KANSL1: variants seen among roughly 807,000 people sequenced by gnomAD.
The protein encoded by KANSL1 is MLL1/MLL complex subunit KANSL1.
Under a neutral mutation model 103.6 loss-of-function variants are expected in KANSL1, and 22 were observed. The ratio of observed to expected loss-of-function variants is 0.21; its 90% CI spans 0.15 to 0.30. The LOEUF is 0.30. Among genes scored for constraint, KANSL1 ranks in the 10% least tolerant of loss-of-function variants. The pLI, the probability that KANSL1 is intolerant of heterozygous loss-of-function variation, is 1.00. For missense variants in KANSL1, 1,337 were observed against 1,399.8 expected (o/e 0.96, Z 0.72); for synonymous variants, 600 against 527.6 (o/e 1.14, Z -1.88).
At chr17:46,225,000 G>T (rs868377626), upstream of KANSL1, 1 of 151,146 alleles carries the variant, frequency 6.6e-6, no homozygotes, top group Non-Finnish European at 1.5e-5. Flanking sequence ...GCGCCCCGAG[G>T]TCCGCTCCGC....
intron 2 of KANSL1, among the ~76,000 whole-genome samples, chr17:46,101,595 C>CA (rs1165449183): frequency 6.7e-5 from 10 of 149,862 alleles, no homozygotes; most frequent in African/African-American, 9.8e-5. Context: ...ACTAAAAATA[C>CA]AAAAAAAAAT....
chr17:46,077,357 A>G (rs1008890066), intron 4 of KANSL1, among the ~76,000 whole-genome samples: 2 of 150,992 alleles, frequency 1.3e-5, no homozygotes, highest in African/African-American at 4.9e-5. Context: ...CCAGCTTACA[A>G]TATTTTTAGG....
intron 6 of KANSL1, among the ~76,000 whole-genome samples, chr17:46,064,865 T>TA (rs150514510): frequency 0.14 from 21,764 of 151,966 alleles, 2,125 homozygotes; most frequent in Non-Finnish European, 0.22. Context: ...CTCTCCAGGA[T>TA]TTTTTTTAAT....
chr17:46,138,894 A>G (rs1027680761), intron 2 of KANSL1, among the ~76,000 whole-genome samples: 3 of 152,324 alleles, frequency 2.0e-5, no homozygotes, highest in African/African-American at 7.2e-5. Flanking sequence ...GACACACATA[A>G]ATTTCACCTC....
intron 4 of KANSL1, among the ~76,000 whole-genome samples, chr17:46,076,760 G>T (rs1206388874): frequency 6.6e-6 from 1 of 152,006 alleles, no homozygotes. Flanking sequence ...AACGTCTTTT[G>T]TTAGATTTAT....
rs886842149 is a variant in KANSL1, at chr17:46,120,212, A to C, written c.1290-25511T>G. Among the ~76,000 whole-genome samples the C allele has an allele frequency of 6.6e-5, 10 of 152,236 alleles. No homozygotes were observed. In the South Asian group the frequency reaches 1.0e-3, roughly 16 times the overall value. On this transcript the variant is annotated intron_variant, in intron 2 of 14. Coordinates refer to ENST00000432791, the MANE Select transcript of KANSL1 (RefSeq NM_015443.4). ...TTTCATGGAGCCATGTAAGTTAAAA[A>C]AGAATCTTAAACTGTTGAGGTATAT...
intron 1 of KANSL1, among the ~76,000 whole-genome samples, chr17:46,216,110 G>C (rs948237949): frequency 1.3e-5 from 2 of 152,168 alleles, no homozygotes; most frequent in Non-Finnish European, 2.9e-5. Context: ...TGTCCAGGAA[G>C]CAACTGTGTA....
At chr17:46,213,297 G>A (rs890337888) in intron 1 of KANSL1, among the ~76,000 whole-genome samples, 1 of 150,698 alleles carries the variant, frequency 6.6e-6, no homozygotes, top group African/African-American at 2.4e-5. Context: ...TTTTGTTGTT[G>A]TTGTTGTTGT....
upstream of KANSL1, among the ~76,000 whole-genome samples, chr17:46,195,714 A>C (rs1294310778): frequency 6.6e-6 from 1 of 152,156 alleles, no homozygotes; most frequent in East Asian, 1.9e-4. Flanking sequence ...CACCATGCCC[A>C]GCTGTTATTT....
chr17:46,116,059 C>A (rs767914740), intron 2 of KANSL1, among the ~76,000 whole-genome samples: 5 of 152,182 alleles, frequency 3.3e-5, no homozygotes, highest in Non-Finnish European at 5.9e-5. Context: ...ATCCCCGGAA[C>A]CAAGCCTCTT....
chr17:46,043,904 TAG>T (rs1483942633), intron 7 of KANSL1: 3 of 152,018 alleles, frequency 2.0e-5, no homozygotes, highest in African/African-American at 4.8e-5. Context: ...CTCCAGCTGC[TAG>T]ACTTTGTTAG....
In KANSL1 at chr17:46,170,957, T is replaced by G; in HGVS notation, c.1187A>C (p.Gln396Pro). The change falls in exon 2 of 15, where the codon CAG becomes CCG. Residue 396 changes from glutamine to proline, a missense_variant. Coordinates refer to ENST00000432791, the MANE Select transcript of KANSL1 (RefSeq NM_015443.4). ...SGIANLRCSE[Q>P]AFDSDVTDSS... The stretch of plus-strand genomic sequence containing the variant: ...GTCAGTGACATCTGAATCAAATGCC[T>G]GTTCACTGCACCTCAAGTTGGCTAT... The G allele has an allele frequency of 6.2e-7, 1 of 1,614,198 alleles. No individual in the cohort carries two copies. Among genetic ancestry groups the G allele is most frequent in the Non-Finnish European group, 8.5e-7 (1 of 1,180,048 alleles).
At chr17:46,208,979 T>G (rs9902225) in intron 1 of KANSL1, among the ~76,000 whole-genome samples, 10 of 152,064 alleles carry the variant, frequency 6.6e-5, no homozygotes, top group African/African-American at 2.4e-4. Flanking sequence ...GAGACCAGCC[T>G]GGCCAACATG....
At chr17:46,183,070 G>A (rs1384360054) in intron 1 of KANSL1, among the ~76,000 whole-genome samples, 1 of 152,224 alleles carries the variant, frequency 6.6e-6, no homozygotes. Context: ...CCTCATACAG[G>A]CTGAGAAGTA....
At position 46,181,446 on chromosome 17, in the gene KANSL1, T is replaced by G. The variant is rs79604498; in HGVS notation, c.-89-9214A>C. On this transcript the variant is annotated intron_variant, in intron 1 of 14. Coordinates refer to ENST00000432791, the MANE Select transcript of KANSL1 (RefSeq NM_015443.4). The stretch of plus-strand genomic sequence containing the variant: ...AAGTTCCTCACACTTTTTTTTTTTT[T>G]GAGACAAAGTCTCGCTCTTGTCCCC... Among the ~76,000 whole-genome samples the G allele has an allele frequency of 2.6e-5, 4 of 151,966 alleles. No homozygotes were observed. The East Asian group carries it at 7.7e-4, about 29-fold the overall frequency.
intron 6 of KANSL1, among the ~76,000 whole-genome samples, chr17:46,053,316 A>G (rs753921503): frequency 6.6e-6 from 1 of 152,126 alleles, no homozygotes; most frequent in South Asian, 2.1e-4. Context: ...AAAATAAAAT[A>G]AAGGGTAGAA....
intron 4 of KANSL1, among the ~76,000 whole-genome samples, chr17:46,069,784 A>G (rs2078510505): frequency 6.6e-6 from 1 of 152,054 alleles, no homozygotes; most frequent in Non-Finnish European, 1.5e-5. Flanking sequence ...AAAACAAAAA[A>G]CAGATTGGGA....
At chr17:46,076,502 A>G (rs1396651810) in intron 4 of KANSL1, among the ~76,000 whole-genome samples, 2 of 151,880 alleles carry the variant, frequency 1.3e-5, no homozygotes, top group East Asian at 3.8e-4. Context: ...TCTCAAAAAA[A>G]AAAAAAAAAA....
chr17:46,096,315 T>TTTCTTTC (rs1555760919), intron 2 of KANSL1, among the ~76,000 whole-genome samples: 7 of 70,842 alleles, frequency 9.9e-5, no homozygotes, highest in Non-Finnish European at 2.7e-4. Context: ...TTTTTTCTTT[T>TTTCTTTC]TTTTTTTTTT....
Sources: gnomAD v4.1 joint callset for allele counts (sites outside exome capture counted in the v4.1 genomes callset) on GRCh38, gnomAD v4.1.1 for gene constraint, MANE v1.5 for transcripts, NCBI Gene and HGNC (gene_info 2026-07-23, HGNC 2026-07-21) for gene names.